The following DPY19L1 variants were observed in gnomAD, a reference collection of about 807,000 sequenced individuals.
The protein encoded by DPY19L1 is protein C-mannosyl-transferase DPY19L1.
In DPY19L1, 35 loss-of-function variants were observed where a neutral mutation model predicts 96.9. That is an observed-to-expected ratio of 0.36 (90% confidence interval 0.28 to 0.48). DPY19L1 has a LOEUF of 0.48. Among genes scored for constraint, DPY19L1 ranks in the 20% least tolerant of loss-of-function variants. DPY19L1 has a pLI of 0.99. For synonymous variants in DPY19L1, 205 were observed against 252.6 expected, an observed-to-expected ratio of 0.81 and a Z score of 1.79; for missense variants, 521 against 777.9, an observed-to-expected ratio of 0.67 and a Z score of 3.93.
chr7:34,997,094 T>C (rs900236274), intron 6 of DPY19L1, among the ~76,000 whole-genome samples: 9 of 151,792 alleles, frequency 5.9e-5, no homozygotes, highest in East Asian at 3.9e-4. Flanking sequence ...GGCATTAGAG[T>C]AGACAGAAGT....
chr7:34,965,205 A>G (rs913532836), intron 10 of DPY19L1, among the ~76,000 whole-genome samples: 6 of 152,196 alleles, frequency 3.9e-5, no homozygotes, highest in African/African-American at 1.4e-4. Context: ...AGCATTATTT[A>G]TAACTAAAAT....
Position 35,026,954 on chromosome 7 carries a change from T to C in DPY19L1, c.299-8358A>G, listed in dbSNP as rs146539413. 8.2e-3 allele frequency among the ~76,000 whole-genome samples: 1,246 copies of C among 152,232 alleles called. 20 individuals are homozygous for C. The highest frequency in any genetic ancestry group is 0.029 in the African/African-American group (1,193 of 41,524). ...GCTCATGCCTGTAATCCCAGCACTT[T>C]GGGAGGCCGAGGCAGGTGGATACCT... On this transcript the variant is annotated intron_variant, in intron 1 of 21. Coordinates refer to ENST00000638088, the MANE Select transcript of DPY19L1 (RefSeq NM_001366673.1).
intron 4 of DPY19L1, 126 bp downstream of exon 4, chr7:35,013,442 C>A (rs1438389891): frequency 1.5e-6 from 1 of 677,642 alleles, no homozygotes. Context: ...CCACAAGATA[C>A]ATATTTTCTT....
chr7:34,995,620 TC>T (rs528165928), intron 6 of DPY19L1, among the ~76,000 whole-genome samples: 3 of 152,178 alleles, frequency 2.0e-5, no homozygotes, highest in Non-Finnish European at 4.4e-5. Context: ...GTTTCATTAA[TC>T]ATTGAGATTT....
At chr7:35,020,994 C>A (rs1050492202) in intron 1 of DPY19L1, among the ~76,000 whole-genome samples, 11 of 152,208 alleles carry the variant, frequency 7.2e-5, no homozygotes, top group African/African-American at 2.7e-4. Context: ...CAGGCATGAG[C>A]CACCACACCC....
chr7:34,952,990 T>C (rs1346860795), intron 13 of DPY19L1, among the ~76,000 whole-genome samples: 1 of 152,118 alleles, frequency 6.6e-6, no homozygotes, highest in Non-Finnish European at 1.5e-5. Context: ...ATCTCCCCCA[T>C]ACTGTTAGTC....
At chr7:34,940,425 G>A (rs1783980453) in intron 18 of DPY19L1, 98 bp from the exon 19 acceptor site, 1 of 956,164 alleles carries the variant, frequency 1.0e-6, no homozygotes, top group Admixed American at 3.3e-5. Context: ...GCCTCTGCTA[G>A]AGTCCCAAAT....
chr7:34,964,434 C>T (rs1386077838), intron 10 of DPY19L1, among the ~76,000 whole-genome samples: 2 of 151,804 alleles, frequency 1.3e-5, no homozygotes, highest in East Asian at 1.9e-4. Flanking sequence ...AAAAATAAGC[C>T]AAGTCTAAAA....
In DPY19L1 at chr7:35,021,410, T is replaced by C. The variant is rs114611896; in HGVS notation, c.299-2814A>G. On this transcript the variant is annotated intron_variant, in intron 1 of 21. Coordinates refer to ENST00000638088, the MANE Select transcript of DPY19L1 (RefSeq NM_001366673.1). ...CAATACACAAGGACAACACTTGGAG[T>C]TCCTGACACTCTTTCACAGTCTCCA... Among the ~76,000 whole-genome samples, 451 of 152,138 alleles carry C rather than the reference T, an allele frequency of 3.0e-3. 3 individuals carry two copies. The highest frequency in any genetic ancestry group is 0.011 in the African/African-American group (441 of 41,490).
intron 7 of DPY19L1, among the ~76,000 whole-genome samples, chr7:34,976,853 G>A (rs1338284111): frequency 6.6e-6 from 1 of 152,044 alleles, no homozygotes; most frequent in African/African-American, 2.4e-5. Context: ...GTGCAATTTC[G>A]GCTCACTGCA....
chr7:34,940,475 A>C (rs1040652844), intron 18 of DPY19L1, 148 bp from the exon 19 acceptor site: 3 of 637,750 alleles, frequency 4.7e-6, no homozygotes, highest in Non-Finnish European at 4.9e-6. Flanking sequence ...CCAAAATAAT[A>C]ATCTTTGGGA....
intron 1 of DPY19L1, among the ~76,000 whole-genome samples, chr7:35,029,276 T>C (rs549114396): frequency 2.6e-5 from 4 of 152,368 alleles, no homozygotes; most frequent in African/African-American, 4.8e-5. Flanking sequence ...AAGTGCATTT[T>C]ATTGTTTTAA....
At position 35,033,095 on chromosome 7, in the gene DPY19L1, T is replaced by C. The variant is rs146893219; in HGVS notation, c.298+4002A>G. Among the ~76,000 whole-genome samples, 619 of 152,282 alleles carry C rather than the reference T, an allele frequency of 4.1e-3. 2 individuals are homozygous for C. The highest frequency in any genetic ancestry group is 0.014 in the Middle Eastern group (4 of 294). The stretch of plus-strand genomic sequence containing the variant: ...CAATGGCTTCCTGTTGCACTGAGAA[T>C]AAAACCCAAGCTCCTTTTCAAGATC... On this transcript the variant is annotated intron_variant, in intron 1 of 21. Transcript: ENST00000638088.
chr7:34,948,105 G>A (rs188683718), intron 14 of DPY19L1, among the ~76,000 whole-genome samples: 4 of 151,744 alleles, frequency 2.6e-5, no homozygotes, highest in Admixed American at 6.6e-5. Context: ...ACTTTCTCAC[G>A]CATAAACAAA....
intron 6 of DPY19L1, among the ~76,000 whole-genome samples, chr7:35,004,829 A>C (rs1224843776): frequency 2.0e-5 from 3 of 152,198 alleles, no homozygotes; most frequent in Admixed American, 2.0e-4. Flanking sequence ...TACAATAAAC[A>C]AAAGTCCAAG....
At chr7:35,035,890 C>T (rs916644957) in intron 1 of DPY19L1, among the ~76,000 whole-genome samples, 8 of 145,266 alleles carry the variant, frequency 5.5e-5, no homozygotes, top group African/African-American at 2.0e-4. Flanking sequence ...GCCAGCTTTT[C>T]AAGCTTGCTA....
chr7:34,995,691 C>G (rs1393504311), intron 6 of DPY19L1, among the ~76,000 whole-genome samples: 1 of 151,964 alleles, frequency 6.6e-6, no homozygotes, highest in African/African-American at 2.4e-5. Context: ...GAGAAAAAAG[C>G]CATCAGAGTT....
At chr7:35,024,974 CAATT>C (rs1196883145) in intron 1 of DPY19L1, among the ~76,000 whole-genome samples, 2 of 152,142 alleles carry the variant, frequency 1.3e-5, no homozygotes, top group African/African-American at 2.4e-5. Context: ...AGAATGCACT[CAATT>C]AAACAAAAAT....
chr7:34,978,687 C>T (rs1489597890), intron 7 of DPY19L1, among the ~76,000 whole-genome samples: 1 of 152,062 alleles, frequency 6.6e-6, no homozygotes, highest in African/African-American at 2.4e-5. Flanking sequence ...GTACCATACA[C>T]AGGTTGAGTA....
Sources: allele counts gnomAD v4.1 joint callset (sites outside exome capture counted in the v4.1 genomes callset), GRCh38; gene constraint gnomAD v4.1.1; transcripts MANE v1.5; gene names NCBI Gene and HGNC (gene_info 2026-07-23, HGNC 2026-07-21).